The following FGF7 variants were observed in gnomAD, a reference collection of about 807,000 sequenced individuals.
FGF7 encodes fibroblast growth factor 7.
Under a neutral mutation model 20.5 loss-of-function variants are expected in FGF7, and 6 were observed. The ratio of observed to expected loss-of-function variants is 0.29; its 90% CI spans 0.16 to 0.58. The LOEUF is 0.58. Among genes scored for constraint, FGF7 ranks in the 20% least tolerant of loss-of-function variants. FGF7 has a pLI of 0.90. For missense variants in FGF7, 144 were observed against 228.8 expected (o/e 0.63, Z 2.39); for synonymous variants, 64 against 74.7 (o/e 0.86, Z 0.74).
intron 2 of FGF7, among the ~76,000 whole-genome samples, chr15:49,457,455 A>G (rs1221358778): frequency 6.6e-6 from 1 of 152,038 alleles, no homozygotes; most frequent in Admixed American, 6.6e-5. Flanking sequence ...AAACAGGAAA[A>G]TCAAGAGGAC....
chr15:49,473,421 A>C (rs2054964172), intron 2 of FGF7, among the ~76,000 whole-genome samples: 1 of 152,118 alleles, frequency 6.6e-6, no homozygotes, highest in South Asian at 2.1e-4. Flanking sequence ...TTATTTTTTA[A>C]ATTGATGTAT....
intron 2 of FGF7, among the ~76,000 whole-genome samples, chr15:49,476,239 T>TTTTTTTTTTTTC: frequency 6.7e-6 from 1 of 149,344 alleles, no homozygotes; most frequent in Non-Finnish European, 1.5e-5. Context: ...TTGGTTTTTT[T>TTTTTTTTTTTTC]TTTTTTGCAT....
intron 2 of FGF7, among the ~76,000 whole-genome samples, chr15:49,430,250 C>G (rs915297694): frequency 2.6e-5 from 4 of 151,918 alleles, no homozygotes; most frequent in African/African-American, 9.7e-5. Flanking sequence ...CACAGCCTCA[C>G]AATGACAGGC....
At position 49,445,364 on chromosome 15, in the gene FGF7, A is replaced by C. The variant is rs189369699; in HGVS notation, c.286+20781A>C. Among the ~76,000 whole-genome samples, 13 of 151,758 alleles carry C rather than the reference A, an allele frequency of 8.6e-5. No homozygotes were observed. The South Asian group carries it at 2.7e-3, about 31-fold the overall frequency. ...TTAGCTCTTACTTATAAGTGAAAAC[A>C]TGCAGTATTTGGTTTTCTGTTCCTG... is the stretch of plus-strand genomic sequence containing the variant. On this transcript the variant is annotated intron_variant, in intron 2 of 3. Transcript: ENST00000267843.
intron 2 of FGF7, among the ~76,000 whole-genome samples, chr15:49,437,154 C>A (rs1196597666): frequency 6.6e-6 from 1 of 151,324 alleles, no homozygotes; most frequent in Non-Finnish European, 1.5e-5. Context: ...TAATAATTAT[C>A]CAGACACTAC....
intron 2 of FGF7, among the ~76,000 whole-genome samples, chr15:49,435,926 T>C (rs888326048): frequency 1.3e-5 from 2 of 151,666 alleles, no homozygotes; most frequent in Non-Finnish European, 3.0e-5. Context: ...TGTAAGTATA[T>C]AATTAATGTT....
intron 2 of FGF7, among the ~76,000 whole-genome samples, chr15:49,437,190 A>C (rs1164528533): frequency 6.6e-6 from 1 of 151,572 alleles, no homozygotes; most frequent in African/African-American, 2.4e-5. Flanking sequence ...AATTGTATAT[A>C]TACAGTTTAA....
At chr15:49,476,914 G>T (rs1243002869) in intron 2 of FGF7, among the ~76,000 whole-genome samples, 1 of 152,096 alleles carries the variant, frequency 6.6e-6, no homozygotes, top group African/African-American at 2.4e-5. Flanking sequence ...AAAAAAATTA[G>T]CCGGGCGTGG....
chr15:49,468,450 T>G (rs2054456692), intron 2 of FGF7, among the ~76,000 whole-genome samples: 1 of 152,172 alleles, frequency 6.6e-6, no homozygotes, highest in African/African-American at 2.4e-5. Flanking sequence ...TTTAGTGTAT[T>G]CCAAGGTTCT....
In FGF7 at chr15:49,458,591, CTCTTG is replaced by C. The variant is rs1332088569; in HGVS notation, c.287-24555_287-24551del. ...AAAATTGCTTTTTACCATTGCCAAG[CTCTTG>C]TCTTTATAGAAATCAGAGGGAACTT... On this transcript the variant is annotated intron_variant, in intron 2 of 3. Transcript: ENST00000267843. Among the ~76,000 whole-genome samples, 9 of 152,170 alleles carry C rather than the reference CTCTTG, an allele frequency of 5.9e-5. No individual in the cohort carries two copies. The East Asian group carries it at 1.7e-3, about 29-fold the overall frequency.
At chr15:49,449,836 T>C (rs1305226291) in intron 2 of FGF7, among the ~76,000 whole-genome samples, 1 of 152,014 alleles carries the variant, frequency 6.6e-6, no homozygotes, top group Non-Finnish European at 1.5e-5. Flanking sequence ...AGATCAGATA[T>C]CCATAAAGAT....
At chr15:49,439,206 C>G (rs1260191483) in intron 2 of FGF7, among the ~76,000 whole-genome samples, 1 of 151,448 alleles carries the variant, frequency 6.6e-6, no homozygotes, top group Non-Finnish European at 1.5e-5. Flanking sequence ...ATGTGGGCCT[C>G]TCGACAGGCT....
intron 2 of FGF7, among the ~76,000 whole-genome samples, chr15:49,444,879 C>CT (rs1459125248): frequency 4.0e-5 from 6 of 151,604 alleles, no homozygotes; most frequent in Non-Finnish European, 8.9e-5. Context: ...TTTAGCCTCT[C>CT]TTTTTTTGTT....
chr15:49,433,337 AT>A (rs1225490708), intron 2 of FGF7, among the ~76,000 whole-genome samples: 1 of 150,946 alleles, frequency 6.6e-6, no homozygotes, highest in East Asian at 2.0e-4. Flanking sequence ...CTTACTTTTT[AT>A]TTTTTTTAAT....
rs2056549463 is a variant in FGF7 at position 49,488,024 on chromosome 15, G to C, written c.*3520G>C. 6.6e-6 allele frequency: 1 copy of C among 151,882 alleles called. No individual in the cohort carries two copies. The highest frequency in any genetic ancestry group is 1.5e-5 in the Non-Finnish European group (1 of 67,898). 9.4% of individuals were successfully genotyped at this position (151,882 alleles called of 1,614,324 possible). ...CCAGAACTCAAATTCACCACGCATA[G>C]GAGTGATAACAAAAATATTTAACAG... On this transcript the variant is annotated 3_prime_UTR_variant, in exon 4 of 4. Transcript: ENST00000267843.
intron 2 of FGF7, among the ~76,000 whole-genome samples, chr15:49,460,739 T>C (rs1312415258): frequency 5.9e-5 from 9 of 152,186 alleles, no homozygotes; most frequent in Non-Finnish European, 1.3e-4. Flanking sequence ...CTGGCACTTA[T>C]AAAAACTGTG....
intron 2 of FGF7, among the ~76,000 whole-genome samples, chr15:49,439,941 G>T (rs992838656): frequency 2.0e-5 from 3 of 151,712 alleles, no homozygotes; most frequent in Non-Finnish European, 4.4e-5. Context: ...AGGGAAACTG[G>T]AAAGGAAAAA....
intron 2 of FGF7, among the ~76,000 whole-genome samples, chr15:49,463,471 A>T (rs1332811316): frequency 6.6e-6 from 1 of 151,090 alleles, no homozygotes; most frequent in African/African-American, 2.4e-5. Flanking sequence ...GAATCACTGG[A>T]ACCCGGAAGG....
intron 2 of FGF7, among the ~76,000 whole-genome samples, chr15:49,428,947 C>T (rs1170865234): frequency 6.6e-6 from 1 of 152,028 alleles, no homozygotes; most frequent in African/African-American, 2.4e-5. Context: ...CTGAATTTGA[C>T]TTTGGCTACA....
Sources: allele counts gnomAD v4.1 joint callset (sites outside exome capture counted in the v4.1 genomes callset), GRCh38; gene constraint gnomAD v4.1.1; transcripts MANE v1.5; gene names NCBI Gene and HGNC (gene_info 2026-07-23, HGNC 2026-07-21).